Variants in RFX3 observed in about 807,000 individuals in gnomAD.
RFX3 encodes regulatory factor X3, also known as transcription factor RFX3.
A neutral mutation model predicts 98.6 loss-of-function variants in RFX3; 14 were observed. The observed-to-expected ratio is 0.14, with a 90% CI of 0.09 to 0.22. RFX3 has a LOEUF of 0.22. Among genes scored for constraint, RFX3 ranks in the 10% least tolerant of loss-of-function variants. The probability of loss-of-function intolerance (pLI) is 1.00; values close to 1 mark genes in which losing one functional copy is unlikely to be tolerated. For missense variants in RFX3, 639 were observed against 926.9 expected, an observed-to-expected ratio of 0.69 and a Z score of 4.03; for synonymous variants, 383 against 328.4, an observed-to-expected ratio of 1.17 and a Z score of -1.80.
At chr9:3,437,536 A>G (rs1233553024) in intron 1 of RFX3, among the ~76,000 whole-genome samples, 1 of 152,116 alleles carries the variant, frequency 6.6e-6, no homozygotes, top group Non-Finnish European at 1.5e-5. Flanking sequence ...AAATCCTCGT[A>G]GAAGAAGGCA....
rs75517256 is a variant in RFX3 at position 3,246,489 on chromosome 9, T to A, written c.1968+1543A>T. Among the ~76,000 whole-genome samples the A allele has an allele frequency of 9.0e-3, 1,368 of 152,200 alleles. 11 individuals are homozygous for A. Among genetic ancestry groups the A allele is most frequent in the African/African-American group, 0.026 (1,067 of 41,550 alleles). ...ATGCATCAAGATTAGCCACATGGTG[T>A]TAATGAGAATCCCCGCCATCATTAT... On this transcript the variant is annotated intron_variant, in intron 15 of 16. Transcript: ENST00000617270.
intron 2 of RFX3, among the ~76,000 whole-genome samples, chr9:3,368,091 T>C (rs1049705119): frequency 2.0e-5 from 3 of 152,228 alleles, no homozygotes; most frequent in African/African-American, 7.2e-5. Context: ...CTAGCATAAA[T>C]TGTTCCACTG....
At chr9:3,247,926 C>G in intron 15 of RFX3, 106 bp downstream of exon 15, 1 of 1,612,662 alleles carries the variant, frequency 6.2e-7, no homozygotes, top group Non-Finnish European at 8.5e-7. Flanking sequence ...CTGAGGCTGA[C>G]TTGGTTAGGA....
At chr9:3,382,222 G>C (rs1156937200) in intron 2 of RFX3, among the ~76,000 whole-genome samples, 1 of 152,102 alleles carries the variant, frequency 6.6e-6, no homozygotes, top group Admixed American at 6.6e-5. Context: ...AAAGTCACTT[G>C]TTAAAACTGT....
At chr9:3,396,023 ATAATT>A (rs1840823411) in intron 1 of RFX3, among the ~76,000 whole-genome samples, 1 of 152,114 alleles carries the variant, frequency 6.6e-6, no homozygotes, top group Non-Finnish European at 1.5e-5. Flanking sequence ...TCACCAGAAT[ATAATT>A]TAGAGTAAAT....
intron 3 of RFX3, among the ~76,000 whole-genome samples, chr9:3,337,626 T>G (rs561439541): frequency 6.6e-6 from 1 of 152,262 alleles, no homozygotes; most frequent in South Asian, 2.1e-4. Context: ...GCAGACAGTC[T>G]TTGGGATGGC....
At chr9:3,331,372 A>G (rs906436310) in intron 3 of RFX3, among the ~76,000 whole-genome samples, 2 of 152,178 alleles carry the variant, frequency 1.3e-5, no homozygotes, top group African/African-American at 4.8e-5. Flanking sequence ...AATTGACTAT[A>G]ACTTCAATTT....
intron 7 of RFX3, 122 bp from the exon 8 acceptor site, chr9:3,277,583 G>A (rs998165811): frequency 2.5e-6 from 2 of 801,736 alleles, no homozygotes; most frequent in South Asian, 2.4e-5. Context: ...GATAGTTGTA[G>A]GATTTTTTTC....
In RFX3 at chr9:3,504,784, TA is replaced by T. The variant is rs1175026959; in HGVS notation, c.-9+20962del. Among the ~76,000 whole-genome samples, 2 of 107,130 alleles carry T rather than the reference TA, an allele frequency of 1.9e-5. 1 individual carries two copies. Among genetic ancestry groups the T allele is most frequent in the African/African-American group, 7.6e-5 (2 of 26,242 alleles). The allele number at this position is 107,130 out of a possible 152,430, so 70.3% of individuals were successfully genotyped here. On this transcript the variant is annotated intron_variant, in intron 1 of 16. Transcript: ENST00000617270. ...ATATGCTATATGTATATATTGTATA[TA>T]AAATATATATTATATTATATATAAA... is the stretch of plus-strand genomic sequence containing the variant.
chr9:3,366,639 T>C (rs796997154), intron 2 of RFX3, among the ~76,000 whole-genome samples: 2 of 151,762 alleles, frequency 1.3e-5, no homozygotes, highest in East Asian at 1.9e-4. Context: ...TTTCTTTTTT[T>C]TTTCTTTCTT....
At chr9:3,407,315 G>A (rs1842054612) in intron 1 of RFX3, among the ~76,000 whole-genome samples, 3 of 152,040 alleles carry the variant, frequency 2.0e-5, no homozygotes, top group African/African-American at 4.8e-5. Context: ...TTTATGTAAG[G>A]ACTTCACATA....
Position 3,317,640 on chromosome 9 carries a change from C to T in RFX3, c.474+12619G>A, listed in dbSNP as rs568904042. 4.6e-5 allele frequency among the ~76,000 whole-genome samples: 7 copies of T among 152,248 alleles called. No individual in the cohort carries two copies. The South Asian group carries it at 1.5e-3, about 32-fold the overall frequency. On this transcript the variant is annotated intron_variant, in intron 4 of 16. Transcript: ENST00000617270. ...ACCCATCTGACAAAGGGCTAATATC[C>T]AGAATCTACAAAGAACTTAAAACAA...
intron 1 of RFX3, among the ~76,000 whole-genome samples, chr9:3,457,139 CAAAAAAAAAAAAAAAAAAAA>C (rs1169959832): frequency 1.3e-4 from 3 of 22,806 alleles, no homozygotes; most frequent in African/African-American, 3.5e-4. Flanking sequence ...GACTCCATCT[CAAAAAAAAAAAAAAAAAAAA>C]AAAAAAAAAA....
chr9:3,316,175 C>T (rs2130621329), intron 4 of RFX3, among the ~76,000 whole-genome samples: 1 of 152,276 alleles, frequency 6.6e-6, no homozygotes, highest in East Asian at 1.9e-4. Flanking sequence ...ACCCTATCTA[C>T]CACTATCAAG....
At chr9:3,468,778 A>G (rs530075203) in intron 1 of RFX3, among the ~76,000 whole-genome samples, 1 of 151,306 alleles carries the variant, frequency 6.6e-6, no homozygotes, top group East Asian at 1.9e-4. Context: ...GACAACTGAA[A>G]ATATTTCTCA....
At chr9:3,450,967 T>A (rs1846561299) in intron 1 of RFX3, among the ~76,000 whole-genome samples, 1 of 152,164 alleles carries the variant, frequency 6.6e-6, no homozygotes, top group Non-Finnish European at 1.5e-5. Context: ...TGGTTTCCAA[T>A]ACTATTTTCC....
intron 1 of RFX3, among the ~76,000 whole-genome samples, chr9:3,439,184 G>C (rs1295753250): frequency 6.6e-6 from 1 of 151,634 alleles, no homozygotes; most frequent in East Asian, 1.9e-4. Flanking sequence ...AGTACTTATA[G>C]GGAAATTTAT....
At chr9:3,342,192 CAT>C (rs1386059084) in intron 3 of RFX3, among the ~76,000 whole-genome samples, 1 of 152,142 alleles carries the variant, frequency 6.6e-6, no homozygotes, top group Non-Finnish European at 1.5e-5. Context: ...CAAAGCATAA[CAT>C]GTGATTTTAT....
At chr9:3,404,889 T>A (rs927597979) in intron 1 of RFX3, among the ~76,000 whole-genome samples, 3 of 152,166 alleles carry the variant, frequency 2.0e-5, no homozygotes, top group Admixed American at 6.5e-5. Context: ...TTATCTACAG[T>A]CACTGTCTTC....
Sources: allele counts gnomAD v4.1 joint callset (sites outside exome capture counted in the v4.1 genomes callset), GRCh38; gene constraint gnomAD v4.1.1; transcripts MANE v1.5; gene names NCBI Gene and HGNC (gene_info 2026-07-23, HGNC 2026-07-21).